The following GRHL3 variants were observed in gnomAD, a reference collection of about 807,000 sequenced individuals.
The protein encoded by GRHL3 is grainyhead-like protein 3 homolog.
GRHL3 carries 20 observed loss-of-function variants against 70.3 expected under a neutral mutation model. The ratio of observed to expected loss-of-function variants is 0.28; its 90% CI spans 0.20 to 0.41. GRHL3 has a LOEUF of 0.41. Ranked by LOEUF, GRHL3 falls within the 10% of genes least tolerant of loss-of-function variation. The pLI, the probability that GRHL3 is intolerant of heterozygous loss-of-function variation, is 1.00. For missense variants in GRHL3, 637 were observed against 762.3 expected, an observed-to-expected ratio of 0.84 and a Z score of 1.94; for synonymous variants, 299 against 299.9, an observed-to-expected ratio of 1.00 and a Z score of 0.03.
chr1:24,345,675 C>G (rs986494394), intron 12 of GRHL3, among the ~76,000 whole-genome samples: 3 of 152,164 alleles, frequency 2.0e-5, no homozygotes, highest in Non-Finnish European at 2.9e-5. Context: ...CTAGCTGGGG[C>G]CGGCACCCCT....
At chr1:24,358,462 G>A (rs760282869), downstream of GRHL3, 1 of 1,207,476 alleles carries the variant, frequency 8.3e-7, no homozygotes, top group Non-Finnish European at 1.2e-6. Flanking sequence ...CTCATGATCG[G>A]TCTCCTCCTG....
At chr1:24,337,287 G>A in intron 5 of GRHL3, 136 bp downstream of exon 5, 1 of 648,790 alleles carries the variant, frequency 1.5e-6, no homozygotes, top group Non-Finnish European at 2.7e-6. Flanking sequence ...ATAGATAGAG[G>A]GAGACAGAAT....
chr1:24,331,315 T>G, intron 1 of GRHL3, 111 bp from the exon 2 acceptor site: 1 of 975,078 alleles, frequency 1.0e-6, no homozygotes, highest in Non-Finnish European at 1.5e-6. Context: ...AGAGGCAGTT[T>G]CATGTTTTCA....
intron 8 of GRHL3, 88 bp downstream of exon 8, chr1:24,339,850 T>C: frequency 1.3e-6 from 1 of 790,432 alleles, no homozygotes; most frequent in South Asian, 1.9e-5. Context: ...CCTAGGATAG[T>C]GTCATTTGCT....
At chr1:24,360,711 TG>T in intron 15 of GRHL3, 1 of 745,398 alleles carries the variant, frequency 1.3e-6, no homozygotes, top group Non-Finnish European at 2.1e-6. Flanking sequence ...AAATGTGAAC[TG>T]ATAATGCTTC....
intron 1 of GRHL3, 33 bp downstream of exon 1, chr1:24,319,601 C>T (rs1362106355): frequency 7.4e-6 from 12 of 1,613,570 alleles, no homozygotes; most frequent in Non-Finnish European, 1.0e-5. Context: ...CTGCCGCTCT[C>T]AGAGCGTGGA....
At chr1:24,356,760 C>A (rs968421966), downstream of GRHL3, among the ~76,000 whole-genome samples, 2 of 152,256 alleles carry the variant, frequency 1.3e-5, no homozygotes, top group South Asian at 4.1e-4. Context: ...GCAGTCCCTG[C>A]GTACCCTCCC....
Position 24,336,835 on chromosome 1 carries a change from C to A in GRHL3, c.612+8C>A. The A allele has an allele frequency of 6.3e-7, 1 of 1,577,652 alleles. No individual in the cohort carries two copies. Among genetic ancestry groups the A allele is most frequent in the Non-Finnish European group, 8.7e-7 (1 of 1,155,300 alleles). On this transcript the variant is annotated splice_region_variant and intron_variant, in intron 4 of 15. Transcript: ENST00000361548. The stretch of plus-strand genomic sequence containing the variant: ...AAAGATGACCCACAGGAGGTGAGGG[C>A]GCATCCCCGCTCCCCTATAGCATAG...
Position 24,322,319 on chromosome 1 carries a change from A to ACCGCGG in GRHL3, c.17+2756_17+2761dup, listed in dbSNP as rs1400736323. On this transcript the variant is annotated intron_variant, in intron 1 of 15. Transcript: ENST00000361548. This position sits in a 1 kb window ranked among gnomAD's most constrained non-coding sequence, Gnocchi z 4.4. ...GGGGACTAGAACCGTCGCAGTCCTG[A>ACCGCGG]CCGCGGCCGCCGCCGCCGTTCTATC... is the stretch of plus-strand genomic sequence containing the variant. Among the ~76,000 whole-genome samples the ACCGCGG allele has an allele frequency of 6.6e-6, 1 of 151,796 alleles. No homozygotes were observed. The highest frequency in any genetic ancestry group is 6.6e-5 in the Admixed American group (1 of 15,252).
chr1:24,325,572 C>G (rs1406996603), intron 1 of GRHL3, among the ~76,000 whole-genome samples: 2 of 152,178 alleles, frequency 1.3e-5, no homozygotes, highest in African/African-American at 4.8e-5. Flanking sequence ...TCAGAAGAGA[C>G]TTGTTGGGAT....
chr1:24,332,119 C>T (rs763887594), intron 2 of GRHL3, among the ~76,000 whole-genome samples: 5 of 152,156 alleles, frequency 3.3e-5, no homozygotes, highest in South Asian at 2.1e-4. Flanking sequence ...CCCCTGTCCT[C>T]GGATCTTACG....
Position 24,334,562 on chromosome 1 carries a change from C to G in GRHL3, c.205-83C>G. On this transcript the variant is annotated intron_variant, in intron 2 of 15. Transcript: ENST00000361548. This position sits in a 1 kb window ranked among gnomAD's most constrained non-coding sequence, Gnocchi z 4.3. ...CATATCACCAAAGTTACTCCCCTGC[C>G]TGGCCAAAGCTGCAGGAGGGGATTG... 2 of 1,089,146 alleles carry G rather than the reference C, an allele frequency of 1.8e-6. No homozygotes were observed. The highest frequency in any genetic ancestry group is 1.8e-5 in the Admixed American group (1 of 54,868). The allele number at this position is 1,089,146 out of a possible 1,614,324, so 67.5% of individuals were successfully genotyped here.
chr1:24,360,774 T>C (rs1277575857), intron 15 of GRHL3: 10 of 1,315,122 alleles, frequency 7.6e-6, no homozygotes, highest in South Asian at 1.4e-5. Context: ...TATAAATCAA[T>C]GGCATTTGAT....
In GRHL3 at chr1:24,342,788, G is replaced by T. The variant is rs1451755000; in HGVS notation, c.1285+16G>T. 5 of 1,614,022 alleles carry T rather than the reference G, an allele frequency of 3.1e-6. No individual in the cohort carries two copies. The highest frequency in any genetic ancestry group is 4.2e-6 in the Non-Finnish European group (5 of 1,179,870). On this transcript the variant is annotated intron_variant, in intron 10 of 15. Coordinates refer to ENST00000361548, the MANE Select transcript of GRHL3 (RefSeq NM_198173.3). The surrounding 1 kb of genome is among the most constrained non-coding windows in gnomAD (Gnocchi z 4.8). ...AGCAACAGTGGTCAGTGGGGATCCA[G>T]GGCCTGGGTGGGCTCGGCTGGCGTG...
intron 8 of GRHL3, among the ~76,000 whole-genome samples, chr1:24,340,898 A>G (rs1238103120): frequency 6.6e-6 from 1 of 152,034 alleles, no homozygotes; most frequent in African/African-American, 2.4e-5. Context: ...ATTTTCTCAC[A>G]GCCTTTTAAG....
intron 11 of GRHL3, 140 bp from the exon 12 acceptor site, chr1:24,344,757 C>T (rs531707242): frequency 2.3e-6 from 2 of 882,812 alleles, no homozygotes; most frequent in South Asian, 1.4e-5. Context: ...CTTGTCTGAG[C>T]AGAATGGGCT....
chr1:24,356,265 C>T (rs1437845038), downstream of GRHL3, among the ~76,000 whole-genome samples: 18 of 140,414 alleles, frequency 1.3e-4, no homozygotes, highest in Admixed American at 1.2e-3. Flanking sequence ...TTTTTTGAGA[C>T]GGAGTCTGGC....
Position 24,354,407 on chromosome 1 carries a change from G to A in GRHL3, c.1728G>A (p.Gln576=). ...ILVNMDNNII[Q]HYSNHVAFLL... ...TCAACATGGACAACAACATCATTCA[G>A]CATTACAGCAACCACGTCGCCTTCC... Residue 576 remains glutamine (Q), a synonymous_variant, in exon 16 of 16, where the codon CAG becomes CAA. Transcript: ENST00000361548. 6.2e-7 allele frequency: 1 copy of A among 1,613,834 alleles called. No homozygotes were observed. Among genetic ancestry groups the A allele is most frequent in the African/African-American group, 1.3e-5 (1 of 75,036 alleles).
chr1:24,319,920 T>A (rs1639117553), intron 1 of GRHL3: 2 of 376,514 alleles, frequency 5.3e-6, no homozygotes, highest in Non-Finnish European at 5.0e-6. Context: ...TCTATCTTCT[T>A]GCCAAAAGGA....
Sources: gnomAD v4.1 joint callset for allele counts (sites outside exome capture counted in the v4.1 genomes callset) on GRCh38, gnomAD v4.1.1 for gene constraint, Gnocchi (gnomAD v3.1) non-coding constraint, MANE v1.5 for transcripts, NCBI Gene and HGNC (gene_info 2026-07-23, HGNC 2026-07-21) for gene names.